Variants in C3orf33 observed in about 807,000 individuals in gnomAD.
C3orf33 encodes AP-1 activity suppressor.
Under a neutral mutation model 28.7 loss-of-function variants are expected in C3orf33, and 23 were observed. The observed-to-expected ratio is 0.80, with a 90% CI of 0.58 to 1.13. C3orf33 has a LOEUF of 1.13. Ranked by LOEUF, C3orf33 falls within the 50% of genes most tolerant of loss-of-function variation. The pLI is 0.00. For synonymous variants in C3orf33, 119 were observed against 120.5 expected, an observed-to-expected ratio of 0.99 and a Z score of 0.08; for missense variants, 327 against 353.4, an observed-to-expected ratio of 0.93 and a Z score of 0.60.
chr3:155,801,205 G>A (rs1025220136), intron 2 of C3orf33, among the ~76,000 whole-genome samples: 2 of 151,868 alleles, frequency 1.3e-5, no homozygotes, highest in African/African-American at 4.8e-5. Context: ...CAGCTACTCA[G>A]GAGGCTGAGG....
chr3:155,771,336 C>T (rs1750586347), intron 3 of C3orf33, among the ~76,000 whole-genome samples: 1 of 152,158 alleles, frequency 6.6e-6, no homozygotes, highest in Non-Finnish European at 1.5e-5. Context: ...GGCTGGAGTG[C>T]AGTGTCACAA....
intron 2 of C3orf33, among the ~76,000 whole-genome samples, chr3:155,798,712 A>T (rs138127839): frequency 1.3e-5 from 2 of 152,324 alleles, no homozygotes; most frequent in African/African-American, 4.8e-5. Context: ...TGGACTGAGC[A>T]AAGATTTCTT....
chr3:155,787,879 A>G lies in C3orf33; in HGVS notation c.175-12031T>C, dbSNP rs539313751. ...TGGGATTTATTCCTGAAATGCAAGA[A>G]TGATCCAACATATAAAAATCAACCA... On this transcript the variant is annotated intron_variant, in intron 2 of 4. Coordinates refer to ENST00000340171, the MANE Select transcript of C3orf33 (RefSeq NM_001308229.2). Among the ~76,000 whole-genome samples, 14 of 152,170 alleles carry G rather than the reference A, an allele frequency of 9.2e-5. No homozygotes were observed. The East Asian group carries it at 2.3e-3, about 25-fold the overall frequency.
rs572356012 is a variant in C3orf33, at chr3:155,769,390, A to G, written c.323-1721T>C. Among the ~76,000 whole-genome samples the G allele has an allele frequency of 4.6e-5, 7 of 150,970 alleles. 1 individual carries two copies. The highest frequency in any genetic ancestry group is 1.3e-4 in the Admixed American group (2 of 15,114). On this transcript the variant is annotated intron_variant, in intron 3 of 4. Coordinates refer to ENST00000340171, the MANE Select transcript of C3orf33 (RefSeq NM_001308229.2). ...GTAATCCCAGCTACTCAGGAGGCTG[A>G]GGCACGAGAATCACTTCAATCTAGG... is the stretch of plus-strand genomic sequence containing the variant.
At chr3:155,771,034 T>TGTGA (rs1553770188) in intron 3 of C3orf33, among the ~76,000 whole-genome samples, 1 of 148,098 alleles carries the variant, frequency 6.8e-6, no homozygotes, top group African/African-American at 2.6e-5. Flanking sequence ...TGTGTGTGTG[T>TGTGA]GTGTGTGTGT....
chr3:155,783,905 T>C (rs1440954685), intron 2 of C3orf33, among the ~76,000 whole-genome samples: 1 of 151,978 alleles, frequency 6.6e-6, no homozygotes, highest in Non-Finnish European at 1.5e-5. Context: ...ATGGGTTTTT[T>C]TGTTTTGTTT....
rs924392475 is a variant in C3orf33 at position 155,797,921 on chromosome 3, A to G, written c.174+4611T>C. Among the ~76,000 whole-genome samples the G allele has an allele frequency of 6.6e-5, 10 of 152,162 alleles. No individual in the cohort carries two copies. The South Asian group carries it at 1.0e-3, about 16-fold the overall frequency. ...CCCTGTCTCTACTAAAAATACAAAA[A>G]TTAGCCGGGCATGGTGGCACATGCC... On this transcript the variant is annotated intron_variant, in intron 2 of 4. Coordinates refer to ENST00000340171, the MANE Select transcript of C3orf33 (RefSeq NM_001308229.2).
intron 1 of C3orf33, among the ~76,000 whole-genome samples, chr3:155,805,356 G>A (rs559343787): frequency 1.3e-5 from 2 of 152,200 alleles, no homozygotes; most frequent in Admixed American, 6.5e-5. Flanking sequence ...CTAGCTACTC[G>A]GGAGCCTGAG....
chr3:155,792,415 A>T (rs1188003765), intron 2 of C3orf33, among the ~76,000 whole-genome samples: 2 of 152,176 alleles, frequency 1.3e-5, no homozygotes, highest in African/African-American at 4.8e-5. Flanking sequence ...CGAAATCTTC[A>T]ATGCCCAGAC....
intron 2 of C3orf33, among the ~76,000 whole-genome samples, chr3:155,798,600 A>G (rs558887859): frequency 6.6e-6 from 1 of 152,288 alleles, no homozygotes; most frequent in South Asian, 2.1e-4. Context: ...TCTCTCTCTC[A>G]TCATATACAA....
intron 3 of C3orf33, among the ~76,000 whole-genome samples, chr3:155,770,008 C>G (rs1015975555): frequency 1.3e-5 from 2 of 152,096 alleles, no homozygotes; most frequent in Admixed American, 6.6e-5. Context: ...ACTCACAAAC[C>G]AATCAGCGTG....
chr3:155,800,414 G>A (rs768032112), intron 2 of C3orf33, among the ~76,000 whole-genome samples: 7 of 151,588 alleles, frequency 4.6e-5, no homozygotes, highest in Non-Finnish European at 7.4e-5. Context: ...GACCAGCCTG[G>A]GCAGCACAAA....
chr3:155,780,687 T>C (rs1485647158), intron 2 of C3orf33, among the ~76,000 whole-genome samples: 5 of 152,200 alleles, frequency 3.3e-5, no homozygotes, highest in Non-Finnish European at 7.3e-5. Flanking sequence ...TTTGCCACCA[T>C]GCATTTTAGG....
At chr3:155,787,485 G>A (rs1751159038) in intron 2 of C3orf33, among the ~76,000 whole-genome samples, 1 of 151,492 alleles carries the variant, frequency 6.6e-6, no homozygotes, top group Admixed American at 6.6e-5. Context: ...CCCCGTAGCT[G>A]GGACTACAGG....
chr3:155,770,819 C>G (rs1750557794), intron 3 of C3orf33, among the ~76,000 whole-genome samples: 1 of 152,064 alleles, frequency 6.6e-6, no homozygotes, highest in Non-Finnish European at 1.5e-5. Context: ...TGCCACCACA[C>G]TCCCGCCACC....
chr3:155,795,259 C>A lies in C3orf33; in HGVS notation c.174+7273G>T, dbSNP rs143038701. Among the ~76,000 whole-genome samples, 619 of 152,172 alleles carry A rather than the reference C, an allele frequency of 4.1e-3. 5 individuals carry two copies. The highest frequency in any genetic ancestry group is 0.014 in the African/African-American group (574 of 41,508). On this transcript the variant is annotated intron_variant, in intron 2 of 4. Transcript: ENST00000340171. The stretch of plus-strand genomic sequence containing the variant: ...CCACCTGAGTTCGGGAATTCAAGAC[C>A]AGGTTGGCCAACATGGCAAAACCCT...
At chr3:155,803,830 C>A (rs1205847486) in intron 1 of C3orf33, among the ~76,000 whole-genome samples, 1 of 151,826 alleles carries the variant, frequency 6.6e-6, no homozygotes, top group Non-Finnish European at 1.5e-5. Context: ...TGCAGTGAGC[C>A]GAGATTGTGC....
chr3:155,774,786 C>G (rs1750691987), intron 3 of C3orf33, among the ~76,000 whole-genome samples: 1 of 147,540 alleles, frequency 6.8e-6, no homozygotes, highest in Non-Finnish European at 1.5e-5. Context: ...ATACCCCTGT[C>G]TTACACCCTT....
At chr3:155,786,657 T>A (rs1360832720) in intron 2 of C3orf33, among the ~76,000 whole-genome samples, 1 of 151,870 alleles carries the variant, frequency 6.6e-6, no homozygotes, top group Non-Finnish European at 1.5e-5. Context: ...CGAAACCCCA[T>A]CTCTACTAAA....
Sources: allele counts gnomAD v4.1 joint callset (sites outside exome capture counted in the v4.1 genomes callset), GRCh38; gene constraint gnomAD v4.1.1; transcripts MANE v1.5; gene names NCBI Gene and HGNC (gene_info 2026-07-23, HGNC 2026-07-21).